The following MYH10 variants were observed in gnomAD, a reference collection of about 807,000 sequenced individuals.
MYH10 encodes myosin heavy chain 10, also known as myosin-10.
In MYH10, 55 loss-of-function variants were observed where a neutral mutation model predicts 257.8. The ratio of observed to expected loss-of-function variants is 0.21; its 90% confidence interval spans 0.17 to 0.27. The LOEUF (loss-of-function observed/expected upper bound fraction) is 0.27. MYH10 is among the 10% of genes least tolerant of loss of function. The pLI, the probability that MYH10 is intolerant of heterozygous loss-of-function variation, is 1.00. For missense variants in MYH10, 1,631 were observed against 2,500.6 expected, an observed-to-expected ratio of 0.65 and a Z score of 7.42; for synonymous variants, 854 against 921.7, an observed-to-expected ratio of 0.93 and a Z score of 1.33.
In MYH10 at chr17:8,477,169, G is replaced by A. The variant is rs565787612; in HGVS notation, c.5707-121C>T. 1.9e-3 allele frequency: 2,041 copies of A among 1,048,008 alleles called. 5 individuals are homozygous for A. Among genetic ancestry groups the A allele is most frequent in the Non-Finnish European group, 2.6e-3 (1,866 of 730,250 alleles). The allele number at this position is 1,048,008 out of a possible 1,614,324, so 64.9% of individuals were successfully genotyped here. A position where few individuals can be genotyped will look rare whatever the true frequency, so the allele number is the denominator to read the frequency against. ...TACCCTTGTGAGCACGCGTGTACAC[G>A]GATGTACACGCGTGCCTGGGGGCTG... is the stretch of plus-strand genomic sequence containing the variant. On this transcript the variant is annotated intron_variant, in intron 41 of 42. Coordinates refer to ENST00000360416, the MANE Select transcript of MYH10 (RefSeq NM_001256012.3). This position sits in a 1 kb window ranked among gnomAD's most constrained non-coding sequence, Gnocchi z 4.2.
At chr17:8,553,745 A>G (rs1353594619) in intron 8 of MYH10, among the ~76,000 whole-genome samples, 1 of 152,214 alleles carries the variant, frequency 6.6e-6, no homozygotes, top group Non-Finnish European at 1.5e-5. Context: ...TTCCCCAGCC[A>G]TGTGAATAAG....
chr17:8,503,136 AGCCGGGCGTGGTG>A (rs2080957424), intron 28 of MYH10, among the ~76,000 whole-genome samples: 1 of 152,072 alleles, frequency 6.6e-6, no homozygotes, highest in African/African-American at 2.4e-5. Flanking sequence ...ATACAAAATT[AGCCGGGCGTGGTG>A]GCACATGCCT....
intron 16 of MYH10, among the ~76,000 whole-genome samples, chr17:8,531,937 C>G (rs962848093): frequency 2.0e-5 from 3 of 152,178 alleles, no homozygotes; most frequent in Admixed American, 2.0e-4. Flanking sequence ...CACCTTAGAA[C>G]CCTCTTTAAC....
intron 2 of MYH10, among the ~76,000 whole-genome samples, chr17:8,616,637 CTAAA>C (rs1402983228): frequency 3.3e-5 from 5 of 151,794 alleles, no homozygotes; most frequent in African/African-American, 9.7e-5. Flanking sequence ...AAATTAAGAA[CTAAA>C]TAAATGAGTT....
rs976618031 is a variant in MYH10, at chr17:8,477,185, C to T, written c.5707-137G>A. The stretch of plus-strand genomic sequence containing the variant: ...CGTGTACACGGATGTACACGCGTGC[C>T]TGGGGGCTGGTCGGAGGCTCTGTAA... On this transcript the variant is annotated intron_variant, in intron 41 of 42. Coordinates refer to ENST00000360416, the MANE Select transcript of MYH10 (RefSeq NM_001256012.3). The surrounding 1 kb of genome is among the most constrained non-coding windows in gnomAD (Gnocchi z 4.2). The T allele has an allele frequency of 8.7e-6, 8 of 922,774 alleles. No individual in the cohort carries two copies. Among genetic ancestry groups the T allele is most frequent in the Non-Finnish European group, 1.3e-5 (8 of 631,528 alleles). The allele number at this position is 922,774 out of a possible 1,614,324, so 57.2% of individuals were successfully genotyped here.
At chr17:8,515,725 G>A (rs2081447385) in intron 21 of MYH10, among the ~76,000 whole-genome samples, 2 of 151,398 alleles carry the variant, frequency 1.3e-5, no homozygotes, top group Non-Finnish European at 2.9e-5. Context: ...TGTATTTTTA[G>A]TAGAGACAGG....
intron 17 of MYH10, among the ~76,000 whole-genome samples, chr17:8,527,922 T>A (rs529856831): frequency 5.9e-5 from 9 of 152,256 alleles, no homozygotes; most frequent in African/African-American, 1.7e-4. Flanking sequence ...CGAGAACAAT[T>A]TAAACACGTA....
At chr17:8,478,951 C>T (rs964739223) in intron 40 of MYH10, among the ~76,000 whole-genome samples, 2 of 152,188 alleles carry the variant, frequency 1.3e-5, no homozygotes, top group African/African-American at 2.4e-5. Flanking sequence ...AGGCTGGTCT[C>T]GAACTCCTCA....
intron 19 of MYH10, among the ~76,000 whole-genome samples, chr17:8,520,278 C>T (rs908395839): frequency 1.4e-4 from 21 of 152,008 alleles, no homozygotes; most frequent in East Asian, 1.9e-4. Flanking sequence ...GGCGGGATCA[C>T]GAGGTCAGGA....
rs1031955219 is a variant in MYH10, at chr17:8,559,993, C to A, written c.757-5975G>T. ...CCTGGGCAAATGCGTTCTCAAACTTCTCATTTTAATTCTGCGGAAAGGTTC... is the reference window on the plus strand; with the variant it reads ...CCTGGGCAAATGCGTTCTCAAACTTATCATTTTAATTCTGCGGAAAGGTTC... On this transcript the variant is annotated intron_variant, in intron 7 of 42. Transcript: ENST00000360416. Among the ~76,000 whole-genome samples, 3 of 152,194 alleles carry A rather than the reference C, an allele frequency of 2.0e-5. No individual in the cohort carries two copies. The South Asian group carries it at 6.2e-4, about 31-fold the overall frequency.
intron 25 of MYH10, among the ~76,000 whole-genome samples, chr17:8,509,390 T>G (rs182512705): frequency 6.6e-6 from 1 of 152,322 alleles, no homozygotes; most frequent in East Asian, 1.9e-4. Flanking sequence ...TTTCCCAGAA[T>G]GTGTCCTCAT....
intron 3 of MYH10, among the ~76,000 whole-genome samples, chr17:8,596,108 T>A (rs906539490): frequency 3.9e-5 from 6 of 152,060 alleles, no homozygotes; most frequent in Admixed American, 6.5e-5. Context: ...AAAGTACTTA[T>A]GTTTATTGTT....
chr17:8,610,558 T>G (rs2084999239), intron 2 of MYH10, among the ~76,000 whole-genome samples: 1 of 152,228 alleles, frequency 6.6e-6, no homozygotes, highest in African/African-American at 2.4e-5. Flanking sequence ...TAATCCCCAG[T>G]GCAACAATGT....
In MYH10 at chr17:8,497,980, C is replaced by CTTTT. The variant is rs71159593; in HGVS notation, c.3951+1286_3951+1289dup. ...ATGTGCATATATGCAAATACTATGC[C>CTTTT]TTTTTTTTTTTTTTTTTTTGAGACA... On this transcript the variant is annotated intron_variant, in intron 30 of 42. Coordinates refer to ENST00000360416, the MANE Select transcript of MYH10 (RefSeq NM_001256012.3). Among the ~76,000 whole-genome samples, 108 of 103,382 alleles carry CTTTT rather than the reference C, an allele frequency of 1.0e-3. 3 individuals are homozygous for CTTTT. Among genetic ancestry groups the CTTTT allele is most frequent in the Non-Finnish European group, 1.2e-3 (68 of 57,040 alleles). The allele number at this position is 103,382 out of a possible 152,430, so 67.8% of individuals were successfully genotyped here. A position where few individuals can be genotyped will look rare whatever the true frequency, so the allele number is the denominator to read the frequency against.
chr17:8,571,396 G>A (rs113746485), intron 6 of MYH10, among the ~76,000 whole-genome samples: 2 of 151,334 alleles, frequency 1.3e-5, no homozygotes, highest in Non-Finnish European at 2.9e-5. Context: ...GGATGGTCTC[G>A]TGCTGTAAAT....
At chr17:8,592,713 A>G (rs375462338) in intron 3 of MYH10, among the ~76,000 whole-genome samples, 3 of 149,842 alleles carry the variant, frequency 2.0e-5, no homozygotes, top group Admixed American at 1.3e-4. Flanking sequence ...ACAGGTAGGG[A>G]ATAAATAACA....
intron 17 of MYH10, among the ~76,000 whole-genome samples, chr17:8,526,533 C>G (rs780994662): frequency 3.1e-4 from 47 of 152,316 alleles, no homozygotes; most frequent in South Asian, 1.2e-3. Flanking sequence ...AAAGTATTTT[C>G]TTCTAACACC....
Position 8,480,102 on chromosome 17 carries a change from C to T in MYH10, c.5597+8G>A. The stretch of plus-strand genomic sequence containing the variant: ...AAGTTTTGGTTTACGGTAGCAAAAA[C>T]CTCTTACTTGGCTTCCTGCTCAAGC... On this transcript the variant is annotated splice_region_variant and intron_variant, in intron 40 of 42. Transcript: ENST00000360416. 2 of 1,613,702 alleles carry T rather than the reference C, an allele frequency of 1.2e-6. No individual in the cohort carries two copies. Among genetic ancestry groups the T allele is most frequent in the Non-Finnish European group, 1.7e-6 (2 of 1,179,816 alleles).
At position 8,545,383 on chromosome 17, in the gene MYH10, C is replaced by A; in HGVS notation, c.1431+65G>T. ...TCGTATGTACTGGGCACACAGTAAGCCTTCATATTTGTTAAAAGAACAAAC... is the reference window on the plus strand; with the variant it reads ...TCGTATGTACTGGGCACACAGTAAGACTTCATATTTGTTAAAAGAACAAAC... On this transcript the variant is annotated intron_variant, in intron 13 of 42. Coordinates refer to ENST00000360416, the MANE Select transcript of MYH10 (RefSeq NM_001256012.3). The surrounding 1 kb of genome is among the most constrained non-coding windows in gnomAD (Gnocchi z 4.7). 2 of 1,571,560 alleles carry A rather than the reference C, an allele frequency of 1.3e-6. No individual in the cohort carries two copies. Among genetic ancestry groups the A allele is most frequent in the South Asian group, 2.3e-5 (2 of 88,792 alleles).
Sources: gnomAD v4.1 joint callset for allele counts (sites outside exome capture counted in the v4.1 genomes callset) on GRCh38, gnomAD v4.1.1 for gene constraint, Gnocchi (gnomAD v3.1) non-coding constraint, MANE v1.5 for transcripts, NCBI Gene and HGNC (gene_info 2026-07-23, HGNC 2026-07-21) for gene names.